ACADL: variants seen among roughly 807,000 people sequenced by gnomAD.
ACADL encodes the protein acyl-CoA dehydrogenase long chain, also known as long-chain specific acyl-CoA dehydrogenase, mitochondrial.
Under a neutral mutation model 56.9 loss-of-function variants are expected in ACADL, and 60 were observed. That is an observed-to-expected ratio of 1.05 (90% CI 0.86 to 1.31). The LOEUF (loss-of-function observed/expected upper bound fraction) is 1.31. ACADL is among the 50% of genes most tolerant of loss of function. The probability of loss-of-function intolerance (pLI) is 0.00; values close to 1 mark genes in which losing one functional copy is unlikely to be tolerated. For missense variants in ACADL, 484 were observed against 525.5 expected (o/e 0.92, Z 0.77); for synonymous variants, 158 against 179.7 (o/e 0.88, Z 0.97).
intron 8 of ACADL, among the ~76,000 whole-genome samples, chr2:210,198,623 A>G (rs1575672941): frequency 6.6e-6 from 1 of 152,126 alleles, no homozygotes; most frequent in East Asian, 1.9e-4. Context: ...TAATAACAGT[A>G]TATAGGTAAA....
intron 8 of ACADL, among the ~76,000 whole-genome samples, 162 bp from the exon 9 acceptor site, chr2:210,195,500 G>T (rs533873305): frequency 1.3e-5 from 2 of 152,118 alleles, no homozygotes; most frequent in African/African-American, 4.8e-5. Context: ...TACCAAATCA[G>T]CTTAAATTTA....
chr2:210,216,543 A>T, intron 3 of ACADL, 32 bp from the exon 4 acceptor site: 1 of 1,590,314 alleles, frequency 6.3e-7, no homozygotes, highest in Non-Finnish European at 8.6e-7. Context: ...AAATTAGAGC[A>T]TAAAATAGCA....
chr2:210,220,759 C>A lies in ACADL; in HGVS notation c.121G>T (p.Ala41Ser). The change falls in exon 2 of 11, where the codon GCT (alanine) becomes TCT (serine). Residue 41 changes from alanine to serine, a missense_variant. Ala to Ser is a moderately conservative substitution (Grantham distance 99, BLOSUM62 1). Transcript: ENST00000233710. ...GGEERLETPS[A>S]KKLTDIGIRR... Reference sequence around the variant, plus strand: ...ATTCCTATATCTGTTAATTTTTTAGCAGAAGGAGTTTCTAGACGTTCTTCC... The same window carrying A: ...ATTCCTATATCTGTTAATTTTTTAGAAGAAGGAGTTTCTAGACGTTCTTCC... 1 of 1,611,876 alleles carries A rather than the reference C, an allele frequency of 6.2e-7. No homozygotes were observed.
rs1271972762 is a variant in ACADL at position 210,188,882 on chromosome 2, G to A, written c.*79C>T. 16 of 1,019,670 alleles carry A rather than the reference G, an allele frequency of 1.6e-5. No homozygotes were observed. The highest frequency in any genetic ancestry group is 1.2e-4 in the Admixed American group (7 of 58,884). 63.2% of individuals were successfully genotyped at this position (1,019,670 alleles called of 1,614,324 possible). ...GTAAAAACATGTTTAGTGTTTCCTCGCTTTCCAAGTTACATTTTATCTTGA... is the reference window on the plus strand; with the variant it reads ...GTAAAAACATGTTTAGTGTTTCCTCACTTTCCAAGTTACATTTTATCTTGA... On this transcript the variant is annotated 3_prime_UTR_variant, in exon 11 of 11. Transcript: ENST00000233710.
intron 8 of ACADL, among the ~76,000 whole-genome samples, chr2:210,199,477 A>T (rs1688760815): frequency 1.3e-5 from 2 of 152,208 alleles, no homozygotes; most frequent in Non-Finnish European, 1.5e-5. Context: ...AAATACAATA[A>T]ATATATATTT....
intron 9 of ACADL, among the ~76,000 whole-genome samples, chr2:210,194,354 C>T (rs1575671050): frequency 6.6e-6 from 1 of 152,172 alleles, no homozygotes; most frequent in African/African-American, 2.4e-5. Flanking sequence ...TGTGATTGAA[C>T]TGAACACAAG....
chr2:210,208,431 T>G (rs1465653248), intron 5 of ACADL, among the ~76,000 whole-genome samples: 1 of 152,202 alleles, frequency 6.6e-6, no homozygotes, highest in Non-Finnish European at 1.5e-5. Context: ...AATAGAGTTA[T>G]ATGAGAATTT....
intron 10 of ACADL, among the ~76,000 whole-genome samples, chr2:210,190,185 G>C (rs1461728655): frequency 6.6e-6 from 1 of 152,062 alleles, no homozygotes; most frequent in Non-Finnish European, 1.5e-5. Flanking sequence ...TGGACACTCA[G>C]TAAATATTTA....
chr2:210,225,001 C>A, intron 1 of ACADL, 186 bp downstream of exon 1: 1 of 985,416 alleles, frequency 1.0e-6, no homozygotes, highest in South Asian at 4.7e-5. Flanking sequence ...TTCCTCCGCC[C>A]AGATGCTGGT....
At chr2:210,203,710 C>T (rs1029193620) in intron 7 of ACADL, among the ~76,000 whole-genome samples, 1 of 152,090 alleles carries the variant, frequency 6.6e-6, no homozygotes, top group East Asian at 1.9e-4. Context: ...AAGTCTCACT[C>T]TGTTGCCAAA....
rs541440185 is a variant in ACADL, at chr2:210,205,395, A to T, written c.768+237T>A. The stretch of plus-strand genomic sequence containing the variant: ...ATAGATGGCTTGTTACCATGCAGTT[A>T]ATTTTGCCATTTCTAAAACAGATAT... On this transcript the variant is annotated intron_variant, in intron 6 of 10. Transcript: ENST00000233710. Among the ~76,000 whole-genome samples, 62 of 152,288 alleles carry T rather than the reference A, an allele frequency of 4.1e-4. 1 individual carries two copies. The highest frequency in any genetic ancestry group is 1.4e-3 in the African/African-American group (58 of 41,568).
In ACADL at chr2:210,216,527, G is replaced by C. The variant is rs1210901217; in HGVS notation, c.372-16C>G. 2.6e-6 allele frequency: 4 copies of C among 1,567,076 alleles called. No homozygotes were observed. Among genetic ancestry groups the C allele is most frequent in the East Asian group, 2.4e-5 (1 of 42,278 alleles). On this transcript the variant is annotated splice_polypyrimidine_tract_variant and intron_variant, in intron 3 of 10. Transcript: ENST00000233710. ...TGAATAAGCTCTTAGAATGAAAAAA[G>C]AAGAAAAATTAGAGCATAAAATAGC...
chr2:210,222,390 C>T (rs1447009364), intron 1 of ACADL, among the ~76,000 whole-genome samples: 1 of 151,502 alleles, frequency 6.6e-6, no homozygotes, highest in Non-Finnish European at 1.5e-5. Flanking sequence ...GGCTTGGTGG[C>T]TCACACCTGT....
rs1055154796 is a variant in ACADL at position 210,205,620 on chromosome 2, A to G, written c.768+12T>C. 3.7e-6 allele frequency: 6 copies of G among 1,612,928 alleles called. No homozygotes were observed. Among genetic ancestry groups the G allele is most frequent in the Non-Finnish European group, 5.1e-6 (6 of 1,179,132 alleles). On this transcript the variant is annotated intron_variant, in intron 6 of 10. Coordinates refer to ENST00000233710, the MANE Select transcript of ACADL (RefSeq NM_001608.4). The stretch of plus-strand genomic sequence containing the variant: ...CAATTAGTATCTGAATATGATTTAC[A>G]TTATCACTCACCTGGGCTTTTAATC...
At chr2:210,195,386 T>C in intron 8 of ACADL, 48 bp from the exon 9 acceptor site, 1 of 1,571,730 alleles carries the variant, frequency 6.4e-7, no homozygotes, top group African/African-American at 1.3e-5. Context: ...GGTAGAAATA[T>C]AAACTTCAAC....
Position 210,217,493 on chromosome 2 carries a change from T to C in ACADL, c.371+472A>G, listed in dbSNP as rs550623839. On this transcript the variant is annotated intron_variant, in intron 3 of 10. Transcript: ENST00000233710. ...TACTTCCAGATCAGTTTAATTTGCA[T>C]TTGATTGTTACTAAGGATGAACTTT... 1.9e-5 allele frequency: 3 copies of C among 161,664 alleles called. No homozygotes were observed. The East Asian group carries it at 5.4e-4, about 29-fold the overall frequency. 10.0% of individuals were successfully genotyped at this position (161,664 alleles called of 1,614,324 possible).
Position 210,205,777 on chromosome 2 carries a change from G to A in ACADL, c.623C>T (p.Ser208Leu). The A allele has an allele frequency of 6.2e-7, 1 of 1,613,888 alleles. No individual in the cohort carries two copies. The highest frequency in any genetic ancestry group is 2.2e-5 in the East Asian group (1 of 44,866). Residue 208 changes from serine (S) to leucine (L), a missense_variant, in exon 6 of 11, where the codon TCA becomes TTA. Transcript: ENST00000233710. ...AACTACAATCACAACATCACTTAATGACCCATTACTGATGAACACCTGCAA... is the reference window on the plus strand; with the variant it reads ...AACTACAATCACAACATCACTTAATAACCCATTACTGATGAACACCTGCAA... ...NGSKVFISNG[S>L]LSDVVIVVAV... is the part of the protein sequence containing the mutation.
chr2:210,195,387 A>G, intron 8 of ACADL, 49 bp from the exon 9 acceptor site: 1 of 1,563,080 alleles, frequency 6.4e-7, no homozygotes, highest in Non-Finnish European at 8.8e-7. Context: ...GTAGAAATAT[A>G]AACTTCAACC....
At chr2:210,224,300 C>T in intron 1 of ACADL, 1 of 629,134 alleles carries the variant, frequency 1.6e-6, no homozygotes, top group Non-Finnish European at 2.0e-6. Flanking sequence ...AGTATGTATC[C>T]TAAAGAAAAG....
Sources: gnomAD v4.1 joint callset for allele counts (sites outside exome capture counted in the v4.1 genomes callset) on GRCh38, gnomAD v4.1.1 for gene constraint, MANE v1.5 for transcripts, NCBI Gene and HGNC (gene_info 2026-07-23, HGNC 2026-07-21) for gene names.